Variants in KCNH8 observed in about 807,000 individuals in gnomAD.
KCNH8 encodes the protein potassium voltage-gated channel subfamily H member 8.
In KCNH8, 70 loss-of-function variants were observed where a neutral mutation model predicts 103.6. The observed-to-expected ratio is 0.68, with a 90% CI of 0.56 to 0.82. The LOEUF is 0.82. KCNH8 is among the 40% of genes least tolerant of loss of function. KCNH8 has a pLI of 0.00. For missense variants in KCNH8, 1,217 were observed against 1,329.9 expected (o/e 0.92, Z 1.32); for synonymous variants, 498 against 489.4 (o/e 1.02, Z -0.23).
chr3:19,167,047 A>C (rs2063292642), intron 1 of KCNH8, among the ~76,000 whole-genome samples: 1 of 152,178 alleles, frequency 6.6e-6, no homozygotes, highest in Admixed American at 6.5e-5. Context: ...ATATTTCCAA[A>C]TGTTCTCTGT....
At chr3:19,429,777 T>A (rs1400653053) in intron 7 of KCNH8, among the ~76,000 whole-genome samples, 1 of 152,064 alleles carries the variant, frequency 6.6e-6, no homozygotes, top group Non-Finnish European at 1.5e-5. Flanking sequence ...CCTGTGTCCA[T>A]GTGTTCTCAT....
At chr3:19,170,751 CAT>C (rs1375561887) in intron 1 of KCNH8, among the ~76,000 whole-genome samples, 8 of 115,562 alleles carry the variant, frequency 6.9e-5, no homozygotes, top group Non-Finnish European at 1.5e-4. Context: ...TATACACACA[CAT>C]ATATATACAC....
intron 10 of KCNH8, among the ~76,000 whole-genome samples, chr3:19,455,249 T>C (rs1456233770): frequency 5.9e-5 from 9 of 152,128 alleles, no homozygotes; most frequent in Non-Finnish European, 1.3e-4. Context: ...GTCCAGGTAA[T>C]AGTGTTTCCC....
intron 1 of KCNH8, among the ~76,000 whole-genome samples, chr3:19,224,826 AT>A (rs1177540168): frequency 1.3e-5 from 2 of 152,172 alleles, no homozygotes; most frequent in Non-Finnish European, 2.9e-5. Context: ...CTAGGTGTTA[AT>A]GAGTACTGTA....
intron 9 of KCNH8, chr3:19,450,547 T>G (rs2067431811): frequency 2.0e-6 from 1 of 502,176 alleles, no homozygotes; most frequent in East Asian, 3.6e-5. Flanking sequence ...CAGGTGGATT[T>G]ATTTTCCTTC....
chr3:19,474,342 G>A (rs1292460218), intron 11 of KCNH8, among the ~76,000 whole-genome samples: 1 of 152,188 alleles, frequency 6.6e-6, no homozygotes, highest in African/African-American at 2.4e-5. Context: ...ACTGTGCTCA[G>A]CAGGCAGATC....
intron 7 of KCNH8, among the ~76,000 whole-genome samples, chr3:19,406,005 G>C (rs1486675720): frequency 6.6e-6 from 1 of 151,972 alleles, no homozygotes; most frequent in Non-Finnish European, 1.5e-5. Context: ...AAAAACATCT[G>C]AGAGCTAGTT....
At chr3:19,443,434 GTA>G (rs1254162160) in intron 8 of KCNH8, among the ~76,000 whole-genome samples, 5 of 150,110 alleles carry the variant, frequency 3.3e-5, no homozygotes, top group East Asian at 1.9e-4. Flanking sequence ...ATATGTGTGT[GTA>G]TATGTATATA....
At chr3:19,321,700 T>C (rs958808516) in intron 3 of KCNH8, among the ~76,000 whole-genome samples, 1 of 150,702 alleles carries the variant, frequency 6.6e-6, no homozygotes, top group Non-Finnish European at 1.5e-5. Context: ...AGTCTATTTG[T>C]TCTAGAGTAT....
In KCNH8 at chr3:19,265,615, G is replaced by A. The variant is rs528620111; in HGVS notation, c.310+11728G>A. On this transcript the variant is annotated intron_variant, in intron 2 of 15. Coordinates refer to ENST00000328405, the MANE Select transcript of KCNH8 (RefSeq NM_144633.3). Reference sequence around the variant, plus strand: ...GACTAACTTTGAACCCTGGCCTGTGGGCTGGTTTCTAGTTTTCCCTTACCT... The same window carrying A: ...GACTAACTTTGAACCCTGGCCTGTGAGCTGGTTTCTAGTTTTCCCTTACCT... 5.0e-4 allele frequency among the ~76,000 whole-genome samples: 76 copies of A among 151,922 alleles called. 1 individual carries two copies. The highest frequency in any genetic ancestry group is 7.1e-4 in the Non-Finnish European group (48 of 67,964).
At chr3:19,160,976 TA>T (rs1457521470) in intron 1 of KCNH8, among the ~76,000 whole-genome samples, 1 of 152,024 alleles carries the variant, frequency 6.6e-6, no homozygotes, top group Non-Finnish European at 1.5e-5. Context: ...TTCCTTTAAG[TA>T]AAAAAGTGAA....
At chr3:19,201,043 C>T (rs1009454154) in intron 1 of KCNH8, among the ~76,000 whole-genome samples, 4 of 151,180 alleles carry the variant, frequency 2.6e-5, no homozygotes, top group African/African-American at 7.3e-5. Flanking sequence ...ACCAGCCTGG[C>T]CAACATGGTG....
At chr3:19,390,988 T>G (rs527739696) in intron 6 of KCNH8, among the ~76,000 whole-genome samples, 66 of 152,240 alleles carry the variant, frequency 4.3e-4, no homozygotes, top group African/African-American at 1.6e-3. Context: ...TGTCAAGAAT[T>G]TGCTAGAGAG....
chr3:19,526,336 A>T (rs570167837), intron 15 of KCNH8, among the ~76,000 whole-genome samples: 1 of 152,122 alleles, frequency 6.6e-6, no homozygotes, highest in South Asian at 2.1e-4. Context: ...CGGAAGTTCC[A>T]GTTATACTCA....
chr3:19,174,487 A>C (rs2063378762), intron 1 of KCNH8, among the ~76,000 whole-genome samples: 2 of 152,206 alleles, frequency 1.3e-5, no homozygotes, highest in Admixed American at 6.5e-5. Flanking sequence ...AAGCTAGTGA[A>C]TAGTCAAGGA....
At chr3:19,367,405 T>TA (rs2066027512) in intron 5 of KCNH8, among the ~76,000 whole-genome samples, 2 of 144,350 alleles carry the variant, frequency 1.4e-5, no homozygotes, top group African/African-American at 5.2e-5. Flanking sequence ...TATATATATA[T>TA]TTATATATAT....
intron 1 of KCNH8, among the ~76,000 whole-genome samples, chr3:19,202,065 T>C (rs1170819288): frequency 1.3e-5 from 2 of 152,136 alleles, no homozygotes; most frequent in Non-Finnish European, 2.9e-5. Flanking sequence ...ATAAATGTAT[T>C]TGCAGCACCA....
At chr3:19,243,229 A>G (rs1253526000) in intron 1 of KCNH8, among the ~76,000 whole-genome samples, 1 of 152,146 alleles carries the variant, frequency 6.6e-6, no homozygotes, top group Admixed American at 6.5e-5. Flanking sequence ...CAGAGTCAGC[A>G]TACACCTGTG....
intron 1 of KCNH8, among the ~76,000 whole-genome samples, chr3:19,207,082 G>A (rs998282805): frequency 1.3e-5 from 2 of 152,068 alleles, no homozygotes; most frequent in African/African-American, 4.8e-5. Context: ...TTTGGGTGTT[G>A]TTAGTAAAAA....
Sources: gnomAD v4.1 joint callset for allele counts (sites outside exome capture counted in the v4.1 genomes callset) on GRCh38, gnomAD v4.1.1 for gene constraint, MANE v1.5 for transcripts, NCBI Gene and HGNC (gene_info 2026-07-23, HGNC 2026-07-21) for gene names.